AHCTF1: variants seen among roughly 807,000 people sequenced by gnomAD.
The protein encoded by AHCTF1 is protein ELYS.
AHCTF1 carries 24 observed loss-of-function variants against 248.4 expected under a neutral mutation model. The ratio of observed to expected loss-of-function variants is 0.10; its 90% CI spans 0.07 to 0.14. The LOEUF (loss-of-function observed/expected upper bound fraction) is 0.14. AHCTF1 is among the 10% of genes least tolerant of loss of function. The pLI is 1.00. For synonymous variants in AHCTF1, 786 were observed against 929.8 expected (o/e 0.85, Z 2.81); for missense variants, 2,206 against 2,636.2 (o/e 0.84, Z 3.57).
chr1:246,923,740 C>CGT (rs74456165), intron 1 of AHCTF1, among the ~76,000 whole-genome samples: 50 of 151,430 alleles, frequency 3.3e-4, no homozygotes, highest in Middle Eastern at 6.8e-3. Flanking sequence ...TGCGTGCATG[C>CGT]GTGTGTGTGT....
intron 33 of AHCTF1, among the ~76,000 whole-genome samples, chr1:246,848,225 CTTTA>C (rs1660430232): frequency 6.6e-6 from 1 of 151,924 alleles, no homozygotes; most frequent in Non-Finnish European, 1.5e-5. Flanking sequence ...AAGTCATCTA[CTTTA>C]TTTATTATTA....
At chr1:246,928,334 T>C (rs1237333521) in intron 1 of AHCTF1, among the ~76,000 whole-genome samples, 1 of 151,758 alleles carries the variant, frequency 6.6e-6, no homozygotes, top group Non-Finnish European at 1.5e-5. Flanking sequence ...TTACTTCTGC[T>C]TGCCTGTCTT....
intron 28 of AHCTF1, 86 bp from the exon 29 acceptor site, chr1:246,861,381 T>A: frequency 1.6e-6 from 2 of 1,217,770 alleles, no homozygotes; most frequent in Non-Finnish European, 2.3e-6. Context: ...ATCATACCCA[T>A]ACTTTCTTTG....
chr1:246,840,480 G>A lies in AHCTF1; in HGVS notation c.*326C>T. 1 of 156,890 alleles carries A rather than the reference G, an allele frequency of 6.4e-6. No individual in the cohort carries two copies. The highest frequency in any genetic ancestry group is 1.4e-5 in the Non-Finnish European group (1 of 71,190). The allele number at this position is 156,890 out of a possible 1,614,324, so 9.7% of individuals were successfully genotyped here. A position where few individuals can be genotyped will look rare whatever the true frequency, so the allele number is the denominator to read the frequency against. Reference sequence around the variant, plus strand: ...TAATTATAGAGAAAATGAGACCAATGAGCATATAAAACTATTTAAACAGAT... The same window carrying A: ...TAATTATAGAGAAAATGAGACCAATAAGCATATAAAACTATTTAAACAGAT... On this transcript the variant is annotated 3_prime_UTR_variant, in exon 36 of 36. Coordinates refer to ENST00000648844, the MANE Select transcript of AHCTF1 (RefSeq NM_001323342.2).
At chr1:246,905,163 A>G (rs893502641) in intron 6 of AHCTF1, among the ~76,000 whole-genome samples, 2 of 152,170 alleles carry the variant, frequency 1.3e-5, no homozygotes, top group African/African-American at 4.8e-5. Flanking sequence ...AGACTACATA[A>G]CTACATAGAC....
intron 1 of AHCTF1, among the ~76,000 whole-genome samples, chr1:246,921,596 A>C (rs1384530190): frequency 6.6e-6 from 1 of 152,174 alleles, no homozygotes; most frequent in East Asian, 1.9e-4. Flanking sequence ...AATAGGAAGA[A>C]GCAATATATT....
In AHCTF1 at chr1:246,887,114, G is replaced by T. The variant is rs145999407; in HGVS notation, c.2472+97C>A. 624 of 1,352,916 alleles carry T rather than the reference G, an allele frequency of 4.6e-4. 2 individuals carry two copies. In the African/African-American group the frequency reaches 8.3e-3, roughly 18 times the overall value. The allele number at this position is 1,352,916 out of a possible 1,614,324, so 83.8% of individuals were successfully genotyped here. On this transcript the variant is annotated intron_variant, in intron 20 of 35. Coordinates refer to ENST00000648844, the MANE Select transcript of AHCTF1 (RefSeq NM_001323342.2). ...GGTCCTTCCTCAACTATTTTTAGTA[G>T]ACTGTATCATATCTTTTAATACCAA... is the stretch of plus-strand genomic sequence containing the variant.
At chr1:246,861,491 T>C (rs1661547776) in intron 28 of AHCTF1, among the ~76,000 whole-genome samples, 196 bp from the exon 29 acceptor site, 1 of 152,182 alleles carries the variant, frequency 6.6e-6, no homozygotes, top group Non-Finnish European at 1.5e-5. Flanking sequence ...TTTCCCTAAT[T>C]GGTAATATAC....
chr1:246,845,992 GCA>G (rs1056454650), intron 33 of AHCTF1, among the ~76,000 whole-genome samples: 111 of 151,454 alleles, frequency 7.3e-4, no homozygotes, highest in African/African-American at 2.6e-3. Context: ...TGATGTGAGT[GCA>G]CAGTCTCAAT....
intron 18 of AHCTF1, 37 bp downstream of exon 18, chr1:246,888,357 G>A: frequency 6.2e-7 from 1 of 1,612,638 alleles, no homozygotes; most frequent in Non-Finnish European, 8.5e-7. Context: ...CCCCAGCTTT[G>A]TAGACTCTAA....
intron 24 of AHCTF1, among the ~76,000 whole-genome samples, chr1:246,868,950 T>C (rs1179820471): frequency 2.0e-5 from 3 of 151,140 alleles, no homozygotes; most frequent in South Asian, 2.1e-4. Flanking sequence ...GTTCACGCCA[T>C]TCTCCTGCCT....
intron 21 of AHCTF1, among the ~76,000 whole-genome samples, chr1:246,880,959 G>T (rs1458021736): frequency 1.3e-5 from 2 of 152,146 alleles, no homozygotes; most frequent in African/African-American, 2.4e-5. Context: ...AATGCATGGG[G>T]GTTCTTGGCA....
chr1:246,881,850 C>A (rs75524158), intron 21 of AHCTF1, among the ~76,000 whole-genome samples: 38,296 of 126,398 alleles, frequency 0.3, 5,503 homozygotes, highest in East Asian at 0.37. Flanking sequence ...AAAAAAAAAC[C>A]AAAAAAAAAA....
At chr1:246,909,682 G>A (rs974717929) in intron 4 of AHCTF1, among the ~76,000 whole-genome samples, 1 of 152,174 alleles carries the variant, frequency 6.6e-6, no homozygotes, top group Admixed American at 6.5e-5. Context: ...AAATGAAGAG[G>A]TCAAAGTTCT....
chr1:246,876,875 C>T (rs1206131666), intron 23 of AHCTF1, 75 bp downstream of exon 23: 12 of 1,547,312 alleles, frequency 7.8e-6, no homozygotes, highest in Middle Eastern at 2.4e-4. Flanking sequence ...ACTGTAAGCT[C>T]TTATATAACA....
intron 1 of AHCTF1, among the ~76,000 whole-genome samples, chr1:246,930,343 A>C (rs1446536900): frequency 6.6e-6 from 1 of 151,654 alleles, no homozygotes; most frequent in East Asian, 1.9e-4. Context: ...TTTTCAAGAT[A>C]ATTATTGTTG....
chr1:246,850,955 A>G lies in AHCTF1; in HGVS notation c.5051T>C (p.Ile1684Thr), dbSNP rs1250892034. 1.2e-6 allele frequency: 2 copies of G among 1,613,864 alleles called. No homozygotes were observed. The highest frequency in any genetic ancestry group is 1.7e-6 in the Non-Finnish European group (2 of 1,179,844). The change falls in exon 33 of 36, where the codon ATT becomes ACT. Residue 1684 changes from isoleucine to threonine, a missense_variant. Coordinates refer to ENST00000648844, the MANE Select transcript of AHCTF1 (RefSeq NM_001323342.2). Reference sequence around the variant, plus strand: ...GGACTGTTCCATTGTATCTGAAGTAATTTCTTTACTTCTTGTGTCTTTAAT... The same window carrying G: ...GGACTGTTCCATTGTATCTGAAGTAGTTTCTTTACTTCTTGTGTCTTTAAT... The part of the protein sequence containing the change: ...DVIKDTRSKE[I>T]TSDTMEQSIH...
chr1:246,891,809 CA>C lies in AHCTF1; in HGVS notation c.1914del (p.Phe638LeufsTer13), dbSNP rs1664224577. 1 of 1,611,648 alleles carries C rather than the reference CA, an allele frequency of 6.2e-7. No homozygotes were observed. Among genetic ancestry groups the C allele is most frequent in the Admixed American group, 1.7e-5 (1 of 59,376 alleles). ...TCAGTGATCTCTCGGGCTTCTGATG[CA>C]AAACAGCTCAAGACTATATTAAGAT... ...LSNLNIVLSC[F>X]ASEAREITER... is the part of the protein sequence containing the mutation. On this transcript the variant is annotated frameshift_variant, in exon 15 of 36. Transcript: ENST00000648844. LOFTEE classifies it high-confidence loss of function.
chr1:246,907,102 C>T (rs554036982), intron 5 of AHCTF1, among the ~76,000 whole-genome samples: 6 of 152,066 alleles, frequency 3.9e-5, no homozygotes, highest in Non-Finnish European at 7.4e-5. Flanking sequence ...GATGGTATAG[C>T]CTGTTGCTCT....
Sources: allele counts gnomAD v4.1 joint callset (sites outside exome capture counted in the v4.1 genomes callset), GRCh38; gene constraint gnomAD v4.1.1; transcripts MANE v1.5; gene names NCBI Gene and HGNC (gene_info 2026-07-23, HGNC 2026-07-21).